CDH8: variants seen among roughly 807,000 people sequenced by gnomAD.
CDH8 encodes the protein cadherin 8, also known as cadherin-8.
In CDH8, 17 loss-of-function variants were observed where a neutral mutation model predicts 68.1. The ratio of observed to expected loss-of-function variants is 0.25; its 90% CI spans 0.17 to 0.37. The LOEUF (loss-of-function observed/expected upper bound fraction) is 0.37. Among genes scored for constraint, CDH8 ranks in the 10% least tolerant of loss-of-function variants. The probability of loss-of-function intolerance (pLI) is 1.00; values close to 1 mark genes in which losing one functional copy is unlikely to be tolerated. For synonymous variants in CDH8, 372 were observed against 365.1 expected (o/e 1.02, Z -0.21); for missense variants, 763 against 999.3 (o/e 0.76, Z 3.19).
intron 10 of CDH8, among the ~76,000 whole-genome samples, chr16:61,666,705 T>C (rs572663295): frequency 6.6e-6 from 1 of 152,086 alleles, no homozygotes; most frequent in East Asian, 1.9e-4. Context: ...TTAAGTCAAA[T>C]GAAATAAAAA....
rs1181196519 is a variant in CDH8, at chr16:61,836,609, A to T, written c.668-11430T>A. ...TAAAACAGGGCAGAAAAGCACAGCTATTTCAATGAGAGATCTTTGGCCAGG... is the reference window on the plus strand; with the variant it reads ...TAAAACAGGGCAGAAAAGCACAGCTTTTTCAATGAGAGATCTTTGGCCAGG... On this transcript the variant is annotated intron_variant, in intron 4 of 11. Transcript: ENST00000577390. Among the ~76,000 whole-genome samples, 4 of 152,014 alleles carry T rather than the reference A, an allele frequency of 2.6e-5. No individual in the cohort carries two copies. In the East Asian group the frequency reaches 7.8e-4, roughly 30 times the overall value.
chr16:61,755,611 G>T (rs1191765572), intron 8 of CDH8, among the ~76,000 whole-genome samples: 3 of 152,000 alleles, frequency 2.0e-5, no homozygotes, highest in Admixed American at 6.6e-5. Flanking sequence ...TGTGCCAATT[G>T]TGAGCCTATG....
chr16:62,010,943 C>CAA (rs11456356), intron 2 of CDH8, among the ~76,000 whole-genome samples: 104 of 140,940 alleles, frequency 7.4e-4, no homozygotes, highest in East Asian at 2.3e-3. Flanking sequence ...AACTCCATTT[C>CAA]AAAAAAAAAA....
chr16:61,695,922 T>G (rs1156895154), intron 10 of CDH8, among the ~76,000 whole-genome samples: 1 of 152,140 alleles, frequency 6.6e-6, no homozygotes, highest in African/African-American at 2.4e-5. Context: ...TTGATCTATC[T>G]GTAGGGAAAA....
intron 10 of CDH8, among the ~76,000 whole-genome samples, chr16:61,682,786 C>T (rs1026579766): frequency 2.6e-5 from 4 of 151,988 alleles, no homozygotes; most frequent in Admixed American, 6.6e-5. Context: ...ATTGCCCCTC[C>T]GTGTGCAGGC....
intron 8 of CDH8, among the ~76,000 whole-genome samples, chr16:61,758,185 G>A (rs1041428006): frequency 6.6e-6 from 1 of 152,028 alleles, no homozygotes; most frequent in Non-Finnish European, 1.5e-5. Flanking sequence ...TAGATGAAAG[G>A]AAACCTGTGT....
chr16:61,928,447 G>T (rs1964489023), intron 2 of CDH8, among the ~76,000 whole-genome samples: 1 of 152,090 alleles, frequency 6.6e-6, no homozygotes, highest in Non-Finnish European at 1.5e-5. Flanking sequence ...GCCATCTATG[G>T]CTCTTGACTG....
intron 3 of CDH8, among the ~76,000 whole-genome samples, chr16:61,888,065 G>C (rs1403002694): frequency 1.3e-5 from 2 of 152,178 alleles, no homozygotes; most frequent in Non-Finnish European, 1.5e-5. Context: ...CAGGAAGTGA[G>C]AGCAAGACAT....
At chr16:61,749,642 G>A (rs1023892335) in intron 8 of CDH8, among the ~76,000 whole-genome samples, 1 of 152,026 alleles carries the variant, frequency 6.6e-6, no homozygotes, top group African/African-American at 2.4e-5. Flanking sequence ...AGGCTTGAAT[G>A]AAATTATATA....
In CDH8 at chr16:61,724,794, G is replaced by A. The variant is rs9937833; in HGVS notation, c.1536+2300C>T. Among the ~76,000 whole-genome samples, 1,503 of 151,006 alleles carry A rather than the reference G, an allele frequency of 1.0e-2. 41 individuals carry two copies. Among genetic ancestry groups the A allele is most frequent in the African/African-American group, 0.035 (1,436 of 41,410 alleles). On this transcript the variant is annotated intron_variant, in intron 9 of 11. Coordinates refer to ENST00000577390, the MANE Select transcript of CDH8 (RefSeq NM_001796.5). ...GAGTCAGTCATTTGTGTGGTATTAT[G>A]AGAGACGATTGAAAGTATATCTTTG...
intron 10 of CDH8, 34 bp from the exon 11 acceptor site, chr16:61,655,755 A>G: frequency 6.3e-7 from 1 of 1,594,928 alleles, no homozygotes; most frequent in Non-Finnish European, 8.6e-7. Flanking sequence ...AATTTGCATC[A>G]TTTCAAAATG....
intron 2 of CDH8, among the ~76,000 whole-genome samples, chr16:61,969,263 C>T (rs190988404): frequency 7.9e-5 from 12 of 152,268 alleles, no homozygotes; most frequent in Admixed American, 2.0e-4. Context: ...CTCAGAACTT[C>T]GGGAACATAA....
chr16:61,843,963 T>C (rs889083252), intron 4 of CDH8, among the ~76,000 whole-genome samples: 5 of 152,056 alleles, frequency 3.3e-5, no homozygotes, highest in Non-Finnish European at 7.4e-5. Context: ...TGGTTTTGAT[T>C]TGCATTTCTC....
intron 3 of CDH8, among the ~76,000 whole-genome samples, chr16:61,857,750 A>C (rs1963073333): frequency 6.6e-6 from 1 of 152,194 alleles, no homozygotes; most frequent in South Asian, 2.1e-4. Context: ...TCTTGCTTAC[A>C]TAATTAGGCA....
At chr16:61,707,381 C>T (rs1964553023) in intron 10 of CDH8, among the ~76,000 whole-genome samples, 1 of 152,082 alleles carries the variant, frequency 6.6e-6, no homozygotes, top group South Asian at 2.1e-4. Context: ...ATTCAATTAC[C>T]TTGCAGGTTC....
At chr16:61,859,947 C>T (rs933419892) in intron 3 of CDH8, among the ~76,000 whole-genome samples, 18 of 152,186 alleles carry the variant, frequency 1.2e-4, no homozygotes, top group African/African-American at 1.9e-4. Flanking sequence ...AGGGTTCAGG[C>T]GATTCTCCTG....
chr16:61,921,012 C>A (rs1419918280), intron 2 of CDH8, among the ~76,000 whole-genome samples: 4 of 148,072 alleles, frequency 2.7e-5, no homozygotes, highest in East Asian at 2.0e-4. Context: ...GAACAAAAAA[C>A]CAAACACCGC....
intron 8 of CDH8, among the ~76,000 whole-genome samples, chr16:61,782,547 A>G (rs1230172912): frequency 2.0e-5 from 3 of 152,040 alleles, no homozygotes; most frequent in African/African-American, 7.2e-5. Context: ...TGCTTAGGTA[A>G]ACAAAGCAGC....
chr16:61,928,503 G>T (rs1361946422), intron 2 of CDH8, among the ~76,000 whole-genome samples: 1 of 152,076 alleles, frequency 6.6e-6, no homozygotes, highest in Non-Finnish European at 1.5e-5. Flanking sequence ...TACCTCCTCA[G>T]TTGCTGCCTA....
Sources: gnomAD v4.1 joint callset for allele counts (sites outside exome capture counted in the v4.1 genomes callset) on GRCh38, gnomAD v4.1.1 for gene constraint, MANE v1.5 for transcripts, NCBI Gene and HGNC (gene_info 2026-07-23, HGNC 2026-07-21) for gene names.